PKP4: variants seen among roughly 807,000 people sequenced by gnomAD.
PKP4 encodes the protein plakophilin 4.
PKP4 carries 90 observed loss-of-function variants against 145.1 expected under a neutral mutation model. The observed-to-expected ratio is 0.62, with a 90% CI of 0.52 to 0.74. The LOEUF is 0.74. PKP4 is among the 30% of genes least tolerant of loss of function. The pLI is 0.00. For synonymous variants in PKP4, 563 were observed against 577.2 expected (o/e 0.98, Z 0.35); for missense variants, 1,340 against 1,482.7 (o/e 0.90, Z 1.58).
intron 3 of PKP4, among the ~76,000 whole-genome samples, chr2:158,592,401 T>G (rs559664198): frequency 3.3e-5 from 5 of 152,208 alleles, no homozygotes; most frequent in Non-Finnish European, 5.9e-5. Flanking sequence ...TAATCCTGGG[T>G]CTGTGGACTG....
At chr2:158,549,097 AT>A in intron 2 of PKP4, 1 of 197,518 alleles carries the variant, frequency 5.1e-6, no homozygotes, top group Non-Finnish European at 1.1e-5. Context: ...ATCAGGACCA[AT>A]TACAATGATA....
rs2711034 is a variant in PKP4 at position 158,674,139 on chromosome 2, A to T, written c.3127+139A>T. The T allele has an allele frequency of 0.5, 358,550 of 711,800 alleles. 93,828 individuals are homozygous for T. The highest frequency in any genetic ancestry group is 0.65 in the Admixed American group (32,266 of 49,326). 44.1% of individuals were successfully genotyped at this position (711,800 alleles called of 1,614,324 possible). ...ATGCAGCAGAGAACCTTCTGTAGGA[A>T]TCACACACCATTATAAACCACAAGC... On this transcript the variant is annotated intron_variant, in intron 19 of 21. Transcript: ENST00000389759.
chr2:158,480,735 A>G (rs1693226037), intron 1 of PKP4, among the ~76,000 whole-genome samples: 1 of 152,204 alleles, frequency 6.6e-6, no homozygotes, highest in Non-Finnish European at 1.5e-5. Context: ...CATACCATAA[A>G]TTCACTCCTA....
chr2:158,503,310 T>C (rs1696860308), intron 1 of PKP4, among the ~76,000 whole-genome samples: 1 of 152,236 alleles, frequency 6.6e-6, no homozygotes, highest in Non-Finnish European at 1.5e-5. Context: ...CTCTAACGCT[T>C]CAGTGCAGAG....
chr2:158,467,285 A>G (rs1015601226), intron 1 of PKP4, among the ~76,000 whole-genome samples: 1 of 152,200 alleles, frequency 6.6e-6, no homozygotes, highest in Admixed American at 6.5e-5. Flanking sequence ...GGATATTAAC[A>G]TTGATGTAAT....
intron 1 of PKP4, among the ~76,000 whole-genome samples, chr2:158,531,894 A>T (rs944725700): frequency 6.6e-6 from 1 of 152,342 alleles, no homozygotes; most frequent in Non-Finnish European, 1.5e-5. Context: ...ATGCACAGAT[A>T]AACTAATCAG....
chr2:158,567,141 C>A (rs1167775383), intron 2 of PKP4, among the ~76,000 whole-genome samples: 1 of 152,052 alleles, frequency 6.6e-6, no homozygotes, highest in Non-Finnish European at 1.5e-5. Flanking sequence ...TTGCAAAGAG[C>A]TGGAGAGATA....
chr2:158,661,934 T>C (rs2056629254), intron 13 of PKP4, among the ~76,000 whole-genome samples: 2 of 152,128 alleles, frequency 1.3e-5, no homozygotes, highest in Admixed American at 6.5e-5. Flanking sequence ...GGTTGGTCTG[T>C]CCCCAGCATG....
chr2:158,673,643 C>A (rs778347836), intron 17 of PKP4, 34 bp from the exon 18 acceptor site: 5 of 1,498,268 alleles, frequency 3.3e-6, no homozygotes, highest in Admixed American at 1.7e-5. Flanking sequence ...GGCTGTGTCA[C>A]CCACATTCAT....
rs945979953 is a variant in PKP4, at chr2:158,543,422, T to G, written c.132+10106T>G. On this transcript the variant is annotated intron_variant, in intron 2 of 21. Transcript: ENST00000389759. ...ACACAAGATCAAAATTAGGGGACAG[T>G]GACAGCAACAGCTGATGGTCTTATG... is the stretch of plus-strand genomic sequence containing the variant. Among the ~76,000 whole-genome samples, 5 of 152,124 alleles carry G rather than the reference T, an allele frequency of 3.3e-5. No homozygotes were observed. In the South Asian group the frequency reaches 1.0e-3, roughly 31 times the overall value.
At chr2:158,522,858 G>T (rs1311379734) in intron 1 of PKP4, among the ~76,000 whole-genome samples, 1 of 152,210 alleles carries the variant, frequency 6.6e-6, no homozygotes, top group South Asian at 2.1e-4. Context: ...CCGAGTCAAA[G>T]AAAGGGGTGA....
At chr2:158,493,668 A>C (rs1043533124) in intron 1 of PKP4, among the ~76,000 whole-genome samples, 9 of 152,240 alleles carry the variant, frequency 5.9e-5, no homozygotes, top group Non-Finnish European at 2.9e-5. Context: ...AGAAGGTCTC[A>C]AGAGGCTTCT....
At chr2:158,510,736 C>T (rs1168161242) in intron 1 of PKP4, among the ~76,000 whole-genome samples, 2 of 152,148 alleles carry the variant, frequency 1.3e-5, no homozygotes, top group Non-Finnish European at 2.9e-5. Flanking sequence ...GTCCACTTCC[C>T]CTGCCCAGGC....
chr2:158,669,883 G>A lies in PKP4; in HGVS notation c.2892G>A (p.Lys964=). 6.2e-7 allele frequency: 1 copy of A among 1,613,140 alleles called. No individual in the cohort carries two copies. The highest frequency in any genetic ancestry group is 1.1e-5 in the South Asian group (1 of 90,904). Residue 964 remains lysine, a synonymous_variant, in exon 17 of 22, where the codon AAG becomes AAA. Transcript: ENST00000389759. ...KALADSGGIE[K]LVNITKGRGD... ...TGGCCGACTCAGGAGGCATAGAGAAGCTGGTGAACATAACCAAAGGCAGGG... is the reference window on the plus strand; with the variant it reads ...TGGCCGACTCAGGAGGCATAGAGAAACTGGTGAACATAACCAAAGGCAGGG...
At chr2:158,497,048 T>C (rs1389882942) in intron 1 of PKP4, among the ~76,000 whole-genome samples, 1 of 152,190 alleles carries the variant, frequency 6.6e-6, no homozygotes, top group African/African-American at 2.4e-5. Flanking sequence ...TTTGGTATTA[T>C]ACAGGTGTGC....
intron 7 of PKP4, among the ~76,000 whole-genome samples, chr2:158,628,380 C>G (rs971376268): frequency 3.3e-5 from 5 of 152,132 alleles, no homozygotes; most frequent in Admixed American, 3.3e-4. Context: ...ATTCATTTTA[C>G]TTAATCTACA....
chr2:158,627,272 G>A (rs532087681), intron 7 of PKP4, among the ~76,000 whole-genome samples: 12 of 152,182 alleles, frequency 7.9e-5, no homozygotes, highest in Non-Finnish European at 1.3e-4. Context: ...ATATTCCCCC[G>A]TGTGTATAGA....
At chr2:158,609,743 A>G (rs1287436536) in intron 4 of PKP4, among the ~76,000 whole-genome samples, 3 of 152,216 alleles carry the variant, frequency 2.0e-5, no homozygotes, top group Non-Finnish European at 2.9e-5. Flanking sequence ...ATCATTTTCT[A>G]AGGAAGAGCT....
rs756955362 is a variant in PKP4 at position 158,469,385 on chromosome 2, C to T, written c.-6+12167C>T. Among the ~76,000 whole-genome samples, 7 of 152,254 alleles carry T rather than the reference C, an allele frequency of 4.6e-5. No homozygotes were observed. In the South Asian group the frequency reaches 8.3e-4, roughly 18 times the overall value. On this transcript the variant is annotated intron_variant, in intron 1 of 21. Transcript: ENST00000389759. ...GATTACAGGCGTGAACCACCACACCCGGCCAGAAAAGACATTTTCTAAAGT... is the reference window on the plus strand; with the variant it reads ...GATTACAGGCGTGAACCACCACACCTGGCCAGAAAAGACATTTTCTAAAGT...
Sources: allele counts gnomAD v4.1 joint callset (sites outside exome capture counted in the v4.1 genomes callset), GRCh38; gene constraint gnomAD v4.1.1; transcripts MANE v1.5; gene names NCBI Gene and HGNC (gene_info 2026-07-23, HGNC 2026-07-21).